Variants in PYY observed in about 807,000 individuals in gnomAD.
PYY encodes peptide tyrosine tyrosine.
Under a neutral mutation model 10.3 loss-of-function variants are expected in PYY, and 12 were observed. The ratio of observed to expected loss-of-function variants is 1.17; its 90% CI spans 0.75 to 1.89. PYY has a LOEUF of 1.89. PYY is among the 40% of genes most tolerant of loss of function. The pLI is 0.00. For missense variants in PYY, 141 were observed against 134.0 expected, an observed-to-expected ratio of 1.05 and a Z score of -0.26; for synonymous variants, 66 against 62.0, an observed-to-expected ratio of 1.06 and a Z score of -0.30.
intron 1 of PYY, among the ~76,000 whole-genome samples, chr17:43,997,016 GTGATGT>G (rs1317607089): frequency 6.6e-6 from 1 of 150,760 alleles, no homozygotes; most frequent in Non-Finnish European, 1.5e-5. Flanking sequence ...TTTTTTTGGG[GTGATGT>G]TGTTGTTGTT....
chr17:43,976,021 C>CGTGTATAAGCGTATACATGTAT lies in PYY; in HGVS notation c.-462-9511_-462-9490dup, dbSNP rs1297415700. 2.1e-5 allele frequency among the ~76,000 whole-genome samples: 3 copies of CGTGTATAAGCGTATACATGTAT among 141,710 alleles called. 1 individual carries two copies. The highest frequency in any genetic ancestry group is 4.6e-5 in the Non-Finnish European group (3 of 65,502). 93.0% of individuals were successfully genotyped at this position (141,710 alleles called of 152,430 possible). The stretch of plus-strand genomic sequence containing the variant: ...ACGTACGTGTACATACACGTGTATA[C>CGTGTATAAGCGTATACATGTAT]GTGTATAAGCGTATACATGTATATG... On this transcript the variant is annotated intron_variant, in intron 1 of 6. Transcript: ENST00000360085.
intron 1 of PYY, among the ~76,000 whole-genome samples, chr17:43,984,440 G>T (rs989833120): frequency 1.3e-5 from 2 of 152,216 alleles, no homozygotes; most frequent in Non-Finnish European, 2.9e-5. Context: ...TAACTGAACT[G>T]GGGCGCGGGC....
At chr17:43,976,211 G>A (rs12949651) in intron 1 of PYY, among the ~76,000 whole-genome samples, 5 of 125,300 alleles carry the variant, frequency 4.0e-5, no homozygotes, top group Non-Finnish European at 4.9e-5. Context: ...ATACATATAC[G>A]TATATGTATA....
chr17:43,973,248 G>A (rs1391360951), intron 1 of PYY, among the ~76,000 whole-genome samples: 1 of 152,162 alleles, frequency 6.6e-6, no homozygotes, highest in Non-Finnish European at 1.5e-5. Flanking sequence ...GGCTTCCTAG[G>A]CAAGCCACCC....
At position 43,985,767 on chromosome 17, in the gene PYY, T is replaced by C. The variant is rs377735401; in HGVS notation, c.-463+18624A>G. Among the ~76,000 whole-genome samples, 207 of 152,292 alleles carry C rather than the reference T, an allele frequency of 1.4e-3. 1 individual carries two copies. The highest frequency in any genetic ancestry group is 4.6e-3 in the African/African-American group (192 of 41,562). ...AATTTGTTCCATGAACAAATTATAG[T>C]ATAAATGAGGTGTAATATTCCAATG... On this transcript the variant is annotated intron_variant, in intron 1 of 6. Coordinates refer to the PYY transcript ENST00000360085.
intron 2 of PYY, among the ~76,000 whole-genome samples, chr17:43,965,374 A>G (rs1171668569): frequency 6.6e-6 from 1 of 151,802 alleles, no homozygotes; most frequent in African/African-American, 2.4e-5. Flanking sequence ...CCAGCTACTC[A>G]GGAGGCGGAG....
At chr17:43,994,997 G>A (rs778380071) in intron 1 of PYY, among the ~76,000 whole-genome samples, 2 of 152,180 alleles carry the variant, frequency 1.3e-5, no homozygotes, top group Non-Finnish European at 2.9e-5. Flanking sequence ...GTCCCCGCAG[G>A]GCAGGCGGAC....
chr17:43,963,561 G>A (rs376905745), intron 2 of PYY, among the ~76,000 whole-genome samples: 20 of 109,952 alleles, frequency 1.8e-4, no homozygotes, highest in African/African-American at 6.5e-4. Context: ...AGGAAGGAAG[G>A]AAGGAAGGAA....
intron 1 of PYY, among the ~76,000 whole-genome samples, chr17:43,995,494 C>A (rs1186110904): frequency 6.6e-6 from 1 of 151,950 alleles, no homozygotes; most frequent in Non-Finnish European, 1.5e-5. Flanking sequence ...CAATACCTCC[C>A]ATCCCACATG....
chr17:43,983,935 A>C (rs1210370011), intron 1 of PYY, among the ~76,000 whole-genome samples: 3 of 152,230 alleles, frequency 2.0e-5, no homozygotes, highest in African/African-American at 7.2e-5. Flanking sequence ...TGCGCAGCTA[A>C]GTGGCGTCTG....
At chr17:43,997,820 G>A (rs1006200074) in intron 1 of PYY, among the ~76,000 whole-genome samples, 1 of 152,034 alleles carries the variant, frequency 6.6e-6, no homozygotes, top group Admixed American at 6.5e-5. Flanking sequence ...AACTCAGGGT[G>A]GTATCCTGGA....
intron 2 of PYY, among the ~76,000 whole-genome samples, chr17:43,964,527 G>A (rs529110665): frequency 5.3e-5 from 8 of 152,242 alleles, no homozygotes; most frequent in African/African-American, 1.9e-4. Flanking sequence ...AAGGCAGGCG[G>A]ATCACCTGAG....
intron 2 of PYY, among the ~76,000 whole-genome samples, chr17:43,959,427 G>A (rs2048696711): frequency 6.6e-6 from 1 of 152,226 alleles, no homozygotes; most frequent in Non-Finnish European, 1.5e-5. Context: ...GCTCATGCCT[G>A]TAATCCCCAC....
upstream of PYY, among the ~76,000 whole-genome samples, chr17:43,955,959 T>C (rs2048669317): frequency 6.6e-6 from 1 of 151,964 alleles, no homozygotes; most frequent in African/African-American, 2.4e-5. Flanking sequence ...CTTCTGACCC[T>C]GCGGCGGCAC....
intron 2 of PYY, among the ~76,000 whole-genome samples, chr17:43,962,842 G>A (rs148025066): frequency 1.8e-4 from 28 of 152,248 alleles, no homozygotes; most frequent in Non-Finnish European, 2.5e-4. Flanking sequence ...CAATGCCCTC[G>A]TTCAAGTCTA....
chr17:44,000,216 G>A (rs193181412), intron 1 of PYY, among the ~76,000 whole-genome samples: 48 of 152,220 alleles, frequency 3.2e-4, no homozygotes, highest in Non-Finnish European at 5.9e-4. Flanking sequence ...ACCAGGCGTC[G>A]AGGTTGTATG....
rs561316120 is a variant in PYY at position 43,961,608 on chromosome 17, T to G, written c.-217-3580A>C. Among the ~76,000 whole-genome samples, 4 of 152,224 alleles carry G rather than the reference T, an allele frequency of 2.6e-5. No homozygotes were observed. In the South Asian group the frequency reaches 8.3e-4, roughly 32 times the overall value. ...CAAGCTGGAGTGCAGTGGCGCAATC[T>G]CAGCTCACTGCAACCTCCGCCTCCT... is the stretch of plus-strand genomic sequence containing the variant. On this transcript the variant is annotated intron_variant, in intron 2 of 6. Transcript: ENST00000360085.
intron 1 of PYY, among the ~76,000 whole-genome samples, chr17:43,985,596 G>A (rs1055769614): frequency 2.0e-5 from 3 of 152,220 alleles, no homozygotes; most frequent in African/African-American, 7.2e-5. Flanking sequence ...AGGAGGCTGG[G>A]TTAGGGTAAA....
chr17:43,977,572 C>A (rs563510076), intron 1 of PYY, among the ~76,000 whole-genome samples: 30 of 152,250 alleles, frequency 2.0e-4, no homozygotes, highest in African/African-American at 6.7e-4. Flanking sequence ...CCCCGACTCT[C>A]CCTGCTCCAT....
Sources: allele counts gnomAD v4.1 joint callset (sites outside exome capture counted in the v4.1 genomes callset), GRCh38; gene constraint gnomAD v4.1.1; transcripts MANE v1.5; gene names NCBI Gene and HGNC (gene_info 2026-07-23, HGNC 2026-07-21).